Variants in NEK5 observed in about 807,000 individuals in gnomAD.
NEK5 encodes the protein serine/threonine-protein kinase Nek5.
Under a neutral mutation model 109.2 loss-of-function variants are expected in NEK5, and 88 were observed. That is an observed-to-expected ratio of 0.81 (90% CI 0.68 to 0.96). NEK5 has a LOEUF of 0.96. Ranked by LOEUF, NEK5 falls within the 40% of genes least tolerant of loss-of-function variation. NEK5 has a pLI of 0.00. For missense variants in NEK5, 834 were observed against 920.7 expected, an observed-to-expected ratio of 0.91 and a Z score of 1.22; for synonymous variants, 283 against 299.9, an observed-to-expected ratio of 0.94 and a Z score of 0.58.
At chr13:52,084,752 AGAGAGAGAGAGTGTGT>A (rs1955096114) in intron 16 of NEK5, among the ~76,000 whole-genome samples, 3 of 51,798 alleles carry the variant, frequency 5.8e-5, no homozygotes, top group African/African-American at 8.5e-5. Context: ...AGAGAGAGAG[AGAGAGAGAGAGTGTGT>A]GTGTGTGTGT....
chr13:52,041,855 T>C (rs1954417857), intron 23 of NEK5, among the ~76,000 whole-genome samples: 2 of 151,748 alleles, frequency 1.3e-5, no homozygotes, highest in African/African-American at 4.8e-5. Context: ...AATATCTAAT[T>C]GGAGAATCAA....
chr13:52,082,409 G>C (rs755403446), intron 17 of NEK5: 12 of 1,066,756 alleles, frequency 1.1e-5, no homozygotes, highest in Non-Finnish European at 9.4e-6. Context: ...CTTCTTATTC[G>C]CAAAATAAAT....
intron 22 of NEK5, among the ~76,000 whole-genome samples, chr13:52,053,479 T>C (rs1470489860): frequency 1.3e-5 from 2 of 152,158 alleles, no homozygotes; most frequent in East Asian, 1.9e-4. Context: ...CTGTATTAAC[T>C]TTTTAGTAAT....
At chr13:52,112,924 T>C (rs938446141) in intron 4 of NEK5, among the ~76,000 whole-genome samples, 3 of 152,240 alleles carry the variant, frequency 2.0e-5, no homozygotes, top group African/African-American at 7.2e-5. Context: ...CTAGGCTCTC[T>C]AGTATGTCCA....
intron 8 of NEK5, among the ~76,000 whole-genome samples, chr13:52,106,068 G>C (rs1955647737): frequency 6.6e-6 from 1 of 151,850 alleles, no homozygotes; most frequent in African/African-American, 2.4e-5. Context: ...CTGACCCAAG[G>C]CTGTCTGTGG....
In NEK5 at chr13:52,070,491, C is replaced by T. The variant is rs545881316; in HGVS notation, c.1849+1453G>A. Among the ~76,000 whole-genome samples the T allele has an allele frequency of 1.4e-4, 21 of 152,258 alleles. No homozygotes were observed. In the South Asian group the frequency reaches 3.9e-3, roughly 29 times the overall value. ...GGGCGGATCTTTCCCATGCTGTTCT[C>T]GTGATGGTGAATGAGTCTCACGAGA... On this transcript the variant is annotated intron_variant, in intron 20 of 23. Transcript: ENST00000684899.
intron 17 of NEK5, among the ~76,000 whole-genome samples, chr13:52,078,534 A>G (rs1294236037): frequency 1.3e-5 from 2 of 151,662 alleles, no homozygotes; most frequent in Non-Finnish European, 3.0e-5. Context: ...CAAATTTTAT[A>G]AAGTATATAC....
At chr13:52,109,916 G>A (rs1955724817) in intron 7 of NEK5, among the ~76,000 whole-genome samples, 1 of 152,100 alleles carries the variant, frequency 6.6e-6, no homozygotes, top group South Asian at 2.1e-4. Context: ...GTTGTAGACC[G>A]GCCACCTTGG....
At chr13:52,108,852 C>G (rs990738745) in intron 7 of NEK5, among the ~76,000 whole-genome samples, 1 of 152,104 alleles carries the variant, frequency 6.6e-6, no homozygotes, top group Non-Finnish European at 1.5e-5. Context: ...TTCATATAAC[C>G]GTGATCACAA....
Position 52,094,728 on chromosome 13 carries a change from C to T in NEK5, c.1027-1493G>A, listed in dbSNP as rs918853419. ...GGCGGAGCTTGCAGTGAGCCAAGATCGTACCACTGCACTCCAGCCTGGGTG... is the reference window on the plus strand; with the variant it reads ...GGCGGAGCTTGCAGTGAGCCAAGATTGTACCACTGCACTCCAGCCTGGGTG... On this transcript the variant is annotated intron_variant, in intron 12 of 23. Coordinates refer to ENST00000684899, the MANE Select transcript of NEK5 (RefSeq NM_001365552.1). Among the ~76,000 whole-genome samples the T allele has an allele frequency of 1.6e-4, 24 of 152,278 alleles. No homozygotes were observed. The South Asian group carries it at 3.1e-3, about 20-fold the overall frequency.
chr13:52,089,657 T>A (rs1210802231), intron 13 of NEK5, among the ~76,000 whole-genome samples: 1 of 152,118 alleles, frequency 6.6e-6, no homozygotes, highest in Admixed American at 6.6e-5. Context: ...TTCTCACGCT[T>A]TGTGTAGGTG....
intron 12 of NEK5, among the ~76,000 whole-genome samples, chr13:52,098,261 C>CAAAT (rs34554364): frequency 0.23 from 34,099 of 146,416 alleles, 4,381 homozygotes; most frequent in South Asian, 0.34. Flanking sequence ...GACCCTCTTT[C>CAAAT]AAATAAATAA....
At chr13:52,073,668 A>G (rs758939885) in intron 19 of NEK5, among the ~76,000 whole-genome samples, 2 of 152,158 alleles carry the variant, frequency 1.3e-5, no homozygotes, top group Non-Finnish European at 2.9e-5. Context: ...AGGCATCCAA[A>G]TAAGAAAAGA....
At chr13:52,110,665 T>TACAC (rs71665641) in intron 5 of NEK5, 88 bp from the exon 6 acceptor site, 11 of 656,088 alleles carry the variant, frequency 1.7e-5, no homozygotes, top group Admixed American at 4.8e-5. Flanking sequence ...ATAGAAATTA[T>TACAC]ACACACACAC....
Position 52,093,236 on chromosome 13 carries a change from C to T in NEK5, c.1027-1G>A, listed in dbSNP as rs1955332817. ...TTTTGGGTCTTTCTATCATTTTTAT[C>T]TGAAGAAAACAAGAGGGGATGTTTT... On this transcript the variant is annotated splice_acceptor_variant, in intron 12 of 23. Coordinates refer to ENST00000684899, the MANE Select transcript of NEK5 (RefSeq NM_001365552.1). LOFTEE classifies it high-confidence loss of function. The T allele has an allele frequency of 6.2e-7, 1 of 1,607,810 alleles. No homozygotes were observed. The highest frequency in any genetic ancestry group is 8.5e-7 in the Non-Finnish European group (1 of 1,174,660).
rs1395046119 is a variant in NEK5, at chr13:52,036,269, G to T, written c.*679C>A. The T allele has an allele frequency of 6.6e-6, 1 of 152,160 alleles. No homozygotes were observed. Among genetic ancestry groups the T allele is most frequent in the Non-Finnish European group, 1.5e-5 (1 of 68,064 alleles). 9.4% of individuals were successfully genotyped at this position (152,160 alleles called of 1,614,324 possible). On this transcript the variant is annotated 3_prime_UTR_variant, in exon 24 of 24. Transcript: ENST00000684899. Reference sequence around the variant, plus strand: ...TCCTCTTCCACTTGTAAGGACCCTTGTGATTACACTGCACCCAGGTGGATA... The same window carrying T: ...TCCTCTTCCACTTGTAAGGACCCTTTTGATTACACTGCACCCAGGTGGATA...
Position 52,093,139 on chromosome 13 carries a change from G to T in NEK5, c.1123C>A (p.Pro375Thr). 6.2e-7 allele frequency: 1 copy of T among 1,613,296 alleles called. No homozygotes were observed. Among genetic ancestry groups the T allele is most frequent in the South Asian group, 1.1e-5 (1 of 91,058 alleles). Residue 375 changes from proline to threonine, a missense_variant, in exon 13 of 24, where the codon CCA becomes ACA. Physicochemically the swap from Pro to Thr is conservative, Grantham distance 38. This residue lies in a region of NEK5 where 777 missense variants were observed against 824.7 expected (regional missense o/e 0.94). Coordinates refer to ENST00000684899, the MANE Select transcript of NEK5 (RefSeq NM_001365552.1). Reference protein sequence around the residue: ...LDMLRRRAHKPSYHPIPQENT... With the variant: ...LDMLRRRAHKTSYHPIPQENT... ...TCTTGAGGAATAGGGTGATAACTTG[G>T]TTTGTGGGCTCTCCTCCTCAGCATA...
At chr13:52,100,744 C>T (rs540486724) in intron 11 of NEK5, among the ~76,000 whole-genome samples, 1 of 152,246 alleles carries the variant, frequency 6.6e-6, no homozygotes, top group African/African-American at 2.4e-5. Context: ...CCTATCTTAC[C>T]TAGATTAGAA....
chr13:52,064,298 A>C (rs1954649007), intron 21 of NEK5, among the ~76,000 whole-genome samples: 4 of 115,200 alleles, frequency 3.5e-5, no homozygotes, highest in South Asian at 3.2e-4. Context: ...GGCCGCCCCT[A>C]CTGGGAAGTG....
Sources: gnomAD v4.1 joint callset for allele counts (sites outside exome capture counted in the v4.1 genomes callset) on GRCh38, gnomAD v4.1.1 for gene constraint, gnomAD v4.1.1 regional missense constraint, MANE v1.5 for transcripts, NCBI Gene and HGNC (gene_info 2026-07-23, HGNC 2026-07-21) for gene names.